Variants in FAF1 observed in about 807,000 individuals in gnomAD.
The protein encoded by FAF1 is FAS-associated factor 1.
A neutral mutation model predicts 92.5 loss-of-function variants in FAF1; 25 were observed. That is an observed-to-expected ratio of 0.27 (90% CI 0.20 to 0.38). FAF1 has a LOEUF of 0.38. Ranked by LOEUF, FAF1 falls within the 10% of genes least tolerant of loss-of-function variation. FAF1 has a pLI of 1.00. For synonymous variants in FAF1, 234 were observed against 273.2 expected, an observed-to-expected ratio of 0.86 and a Z score of 1.42; for missense variants, 636 against 793.3, an observed-to-expected ratio of 0.80 and a Z score of 2.38.
chr1:50,779,396 A>C (rs949729672), intron 4 of FAF1, among the ~76,000 whole-genome samples: 5 of 152,196 alleles, frequency 3.3e-5, no homozygotes, highest in Non-Finnish European at 7.3e-5. Flanking sequence ...CAGAAGAATC[A>C]CTACATATGG....
At chr1:50,915,956 C>T (rs1644916019) in intron 1 of FAF1, among the ~76,000 whole-genome samples, 1 of 152,016 alleles carries the variant, frequency 6.6e-6, no homozygotes, top group South Asian at 2.1e-4. Flanking sequence ...TACACTGACA[C>T]TTGGATGTTC....
chr1:50,468,245 T>C (rs1351938319), intron 18 of FAF1, among the ~76,000 whole-genome samples: 2 of 151,906 alleles, frequency 1.3e-5, no homozygotes, highest in African/African-American at 4.8e-5. Flanking sequence ...CTGCATCACA[T>C]TGTACCCCAT....
chr1:50,491,935 GGA>G (rs1646843293), intron 15 of FAF1, 134 bp from the exon 16 acceptor site: 6 of 630,836 alleles, frequency 9.5e-6, no homozygotes, highest in Non-Finnish European at 1.6e-5. Context: ...AAAGTGTATA[GGA>G]CATAAATAAG....
chr1:50,933,047 C>T (rs904504231), intron 1 of FAF1, among the ~76,000 whole-genome samples: 5 of 152,112 alleles, frequency 3.3e-5, no homozygotes, highest in Non-Finnish European at 4.4e-5. Context: ...CTCCTGGGTC[C>T]GGCCCACAAA....
intron 1 of FAF1, among the ~76,000 whole-genome samples, chr1:50,873,179 CTTT>C (rs762184000): frequency 6.6e-6 from 1 of 152,008 alleles, no homozygotes; most frequent in Non-Finnish European, 1.5e-5. Context: ...ACATGCTTTT[CTTT>C]TTAAGACATA....
intron 1 of FAF1, among the ~76,000 whole-genome samples, chr1:50,863,845 G>A (rs901486470): frequency 7.9e-5 from 12 of 151,968 alleles, no homozygotes; most frequent in Non-Finnish European, 1.6e-4. Context: ...GACTCTTTTT[G>A]GTTGGTAAGC....
At chr1:50,880,299 A>G (rs1644601370) in intron 1 of FAF1, among the ~76,000 whole-genome samples, 1 of 152,202 alleles carries the variant, frequency 6.6e-6, no homozygotes, top group African/African-American at 2.4e-5. Flanking sequence ...GGCTATCACA[A>G]AAGAAGTGGG....
At chr1:50,904,973 G>A (rs888156313) in intron 1 of FAF1, among the ~76,000 whole-genome samples, 1 of 151,136 alleles carries the variant, frequency 6.6e-6, no homozygotes, top group African/African-American at 2.4e-5. Flanking sequence ...TGCCATGTTG[G>A]TGTGCTGCAC....
At chr1:50,444,544 T>A (rs1007841476) in intron 18 of FAF1, among the ~76,000 whole-genome samples, 2 of 152,132 alleles carry the variant, frequency 1.3e-5, no homozygotes, top group Non-Finnish European at 2.9e-5. Flanking sequence ...AGAAACAACT[T>A]TTTACAGACA....
In FAF1 at chr1:50,438,175, AATC is replaced by A. The variant is rs1350513850; in HGVS notation, c.*3262_*3264del. 6.6e-6 allele frequency: 1 copy of A among 152,198 alleles called. No homozygotes were observed. The highest frequency in any genetic ancestry group is 1.5e-5 in the Non-Finnish European group (1 of 68,062). The allele number at this position is 152,198 out of a possible 1,614,324, so 9.4% of individuals were successfully genotyped here. A position where few individuals can be genotyped will look rare whatever the true frequency, so the allele number is the denominator to read the frequency against. ...CTCTAAGCCCCTTGTGCAAAAATGGAATCATCATCTCTGCCCTGCTTCCCTCAT... is the reference window on the plus strand; with the variant it reads ...CTCTAAGCCCCTTGTGCAAAAATGGAATCATCTCTGCCCTGCTTCCCTCAT... On this transcript the variant is annotated 3_prime_UTR_variant, in exon 19 of 19. Transcript: ENST00000396153.
intron 1 of FAF1, among the ~76,000 whole-genome samples, chr1:50,959,386 C>A (rs984691011): frequency 6.6e-6 from 1 of 152,098 alleles, no homozygotes; most frequent in African/African-American, 2.4e-5. Flanking sequence ...ACACGCTCCA[C>A]GCTCACACTC....
chr1:50,854,742 G>T (rs1644377801), intron 2 of FAF1, among the ~76,000 whole-genome samples: 1 of 151,724 alleles, frequency 6.6e-6, no homozygotes, highest in Admixed American at 6.6e-5. Context: ...TTTTCCTATA[G>T]AATAGCTGTT....
chr1:50,758,712 C>A (rs1660187719), intron 4 of FAF1, among the ~76,000 whole-genome samples: 1 of 152,176 alleles, frequency 6.6e-6, no homozygotes, highest in Non-Finnish European at 1.5e-5. Flanking sequence ...TGAAAACTAT[C>A]TCCAGTCTTC....
intron 7 of FAF1, among the ~76,000 whole-genome samples, chr1:50,656,146 A>G (rs1655099887): frequency 6.6e-6 from 1 of 152,168 alleles, no homozygotes; most frequent in Non-Finnish European, 1.5e-5. Flanking sequence ...AGTCTGGCCA[A>G]CATGGTGAAA....
intron 18 of FAF1, among the ~76,000 whole-genome samples, chr1:50,457,170 A>G (rs1393709801): frequency 1.3e-5 from 2 of 150,894 alleles, no homozygotes; most frequent in African/African-American, 4.9e-5. Context: ...AAAAAAATGG[A>G]AATAGCAAAA....
At chr1:50,868,299 C>T (rs1324177730) in intron 1 of FAF1, among the ~76,000 whole-genome samples, 1 of 152,092 alleles carries the variant, frequency 6.6e-6, no homozygotes, top group African/African-American at 2.4e-5. Context: ...TGTAATCAAA[C>T]ACCACCTGTT....
intron 7 of FAF1, among the ~76,000 whole-genome samples, chr1:50,692,574 C>T (rs1656988982): frequency 6.6e-6 from 1 of 152,106 alleles, no homozygotes; most frequent in African/African-American, 2.4e-5. Context: ...TGCTGTCCTC[C>T]AGGTCTTCCC....
intron 4 of FAF1, among the ~76,000 whole-genome samples, chr1:50,746,569 T>A (rs1469282902): frequency 1.3e-5 from 2 of 151,814 alleles, no homozygotes; most frequent in Non-Finnish European, 2.9e-5. Context: ...CCCAAAGTGC[T>A]GGGATTACAG....
Position 50,490,583 on chromosome 1 carries a change from C to T in FAF1, c.1653+5G>A. 6.3e-7 allele frequency: 1 copy of T among 1,593,434 alleles called. No homozygotes were observed. The highest frequency in any genetic ancestry group is 8.6e-7 in the Non-Finnish European group (1 of 1,161,336). On this transcript the variant is annotated splice_donor_5th_base_variant and intron_variant, in intron 17 of 18. Coordinates refer to ENST00000396153, the MANE Select transcript of FAF1 (RefSeq NM_007051.3). ...TGAATAACTTTTCTTAAAATTATGC[C>T]CCACCTCACGTTCCTCTTCTTGTTC...
Sources: allele counts gnomAD v4.1 joint callset (sites outside exome capture counted in the v4.1 genomes callset), GRCh38; gene constraint gnomAD v4.1.1; transcripts MANE v1.5; gene names NCBI Gene and HGNC (gene_info 2026-07-23, HGNC 2026-07-21).